Variants in BRINP1 observed in about 807,000 individuals in gnomAD.
The protein encoded by BRINP1 is BMP/retinoic acid-inducible neural-specific protein 1.
Under a neutral mutation model 72.9 loss-of-function variants are expected in BRINP1, and 17 were observed. The observed-to-expected ratio is 0.23, with a 90% CI of 0.16 to 0.35. The LOEUF (loss-of-function observed/expected upper bound fraction) is 0.35, where lower values mean the gene tolerates loss of function less well. Ranked by LOEUF, BRINP1 falls within the 10% of genes least tolerant of loss-of-function variation. BRINP1 has a pLI of 1.00. For synonymous variants in BRINP1, 418 were observed against 378.5 expected, an observed-to-expected ratio of 1.10 and a Z score of -1.21; for missense variants, 850 against 1,001.6, an observed-to-expected ratio of 0.85 and a Z score of 2.04.
intron 5 of BRINP1, among the ~76,000 whole-genome samples, chr9:119,214,829 G>A (rs945605912): frequency 6.6e-6 from 1 of 152,166 alleles, no homozygotes; most frequent in Non-Finnish European, 1.5e-5. Context: ...GTTAAAAGAA[G>A]AACAGGAAGG....
chr9:119,201,232 T>C (rs919454824), intron 7 of BRINP1, among the ~76,000 whole-genome samples: 1 of 152,148 alleles, frequency 6.6e-6, no homozygotes. Flanking sequence ...CAAAAGAAGA[T>C]TTTACTTTGA....
At chr9:119,359,292 C>T (rs1188920793) in intron 1 of BRINP1, among the ~76,000 whole-genome samples, 2 of 152,176 alleles carry the variant, frequency 1.3e-5, no homozygotes, top group African/African-American at 4.8e-5. Flanking sequence ...CACCTTGGCC[C>T]ACATAATCCT....
chr9:119,202,867 T>C (rs1305511977), intron 7 of BRINP1, among the ~76,000 whole-genome samples: 1 of 152,194 alleles, frequency 6.6e-6, no homozygotes, highest in Non-Finnish European at 1.5e-5. Context: ...ATCTTACTTA[T>C]GTTCATGCTT....
At chr9:119,298,713 T>A (rs1830907152) in intron 2 of BRINP1, among the ~76,000 whole-genome samples, 1 of 152,104 alleles carries the variant, frequency 6.6e-6, no homozygotes, top group Non-Finnish European at 1.5e-5. Flanking sequence ...GAACTTGCCA[T>A]CTCCCAACAC....
intron 2 of BRINP1, among the ~76,000 whole-genome samples, chr9:119,308,804 G>A (rs1271382113): frequency 6.6e-6 from 1 of 152,090 alleles, no homozygotes; most frequent in Non-Finnish European, 1.5e-5. Flanking sequence ...CAACCAGCAG[G>A]GAAAACCACT....
chr9:119,275,746 T>A (rs963976333), intron 2 of BRINP1, among the ~76,000 whole-genome samples: 1 of 152,230 alleles, frequency 6.6e-6, no homozygotes, highest in African/African-American at 2.4e-5. Flanking sequence ...GAGCTGTGTG[T>A]CTCTGGTAGC....
At chr9:119,285,801 A>G (rs1252483252) in intron 2 of BRINP1, among the ~76,000 whole-genome samples, 1 of 152,036 alleles carries the variant, frequency 6.6e-6, no homozygotes, top group East Asian at 1.9e-4. Context: ...ATCATTCAGG[A>G]AGAAACACAA....
chr9:119,184,090 GAA>G (rs557758135), intron 7 of BRINP1, among the ~76,000 whole-genome samples: 9 of 151,986 alleles, frequency 5.9e-5, no homozygotes, highest in African/African-American at 2.2e-4. Flanking sequence ...CAGGGGGGGA[GAA>G]AAAAAGAAAA....
intron 7 of BRINP1, among the ~76,000 whole-genome samples, chr9:119,184,398 C>T (rs1014057717): frequency 5.9e-5 from 9 of 152,258 alleles, no homozygotes; most frequent in African/African-American, 2.2e-4. Flanking sequence ...AAGATATTCT[C>T]AGCTAAAAGC....
At chr9:119,287,349 A>G (rs1485859934) in intron 2 of BRINP1, among the ~76,000 whole-genome samples, 1 of 152,190 alleles carries the variant, frequency 6.6e-6, no homozygotes, top group Non-Finnish European at 1.5e-5. Flanking sequence ...CTCTCCTGGG[A>G]GTAGACAGTT....
At chr9:119,293,461 G>A (rs543931132) in intron 2 of BRINP1, among the ~76,000 whole-genome samples, 11 of 152,192 alleles carry the variant, frequency 7.2e-5, no homozygotes, top group South Asian at 4.1e-4. Context: ...AAGCACCAGC[G>A]ATGTACCTAA....
Position 119,242,030 on chromosome 9 carries a change from C to T in BRINP1, c.579+17G>A. ...TGTATTGAGAACCTGTCGCCCAAAT[C>T]CACCCCGGAGCTGTACCTTGATTGC... On this transcript the variant is annotated intron_variant, in intron 4 of 7. Coordinates refer to ENST00000265922, the MANE Select transcript of BRINP1 (RefSeq NM_014618.3). The T allele has an allele frequency of 6.2e-7, 1 of 1,609,474 alleles. No homozygotes were observed. The highest frequency in any genetic ancestry group is 8.5e-7 in the Non-Finnish European group (1 of 1,177,998).
At position 119,214,090 on chromosome 9, in the gene BRINP1, T is replaced by A; in HGVS notation, c.751A>T (p.Met251Leu). The change falls in exon 6 of 8, where the codon ATG (methionine) becomes TTG (leucine). Residue 251 changes from methionine to leucine, a missense_variant. By Grantham distance (15) the Met-to-Leu change is conservative. Transcript: ENST00000265922. The stretch of plus-strand genomic sequence containing the variant: ...AGGTACTCCCCCTCCCCATTGCACA[T>A]GATATAGCTCAAGGCCGACTGGACA... Reference protein sequence around the residue: ...KFVQSALSYIMCNGEGEYLCQ... With the variant: ...KFVQSALSYILCNGEGEYLCQ... The A allele has an allele frequency of 1.9e-6, 3 of 1,614,082 alleles. No homozygotes were observed. Among genetic ancestry groups the A allele is most frequent in the Middle Eastern group, 1.6e-4 (1 of 6,062 alleles).
In BRINP1 at chr9:119,167,416, T is replaced by G. The variant is rs1182193850; in HGVS notation, c.1954A>C (p.Ile652Leu). 3 of 1,613,938 alleles carry G rather than the reference T, an allele frequency of 1.9e-6. No homozygotes were observed. The highest frequency in any genetic ancestry group is 2.2e-5 in the East Asian group (1 of 44,848). Residue 652 changes from isoleucine to leucine, a missense_variant, in exon 8 of 8, where the codon ATC (isoleucine) becomes CTC (leucine). By Grantham distance (5) the Ile-to-Leu change is conservative. Transcript: ENST00000265922. This position sits in a 1 kb window ranked among gnomAD's most constrained non-coding sequence, Gnocchi z 4.3. ...TACCCAAACACCTGCACGTCTGAGA[T>G]CTTGATGTAGAACTGCCTCTTGGAG... Reference protein sequence around the residue: ...DPSKRQFYIKISDVQVFGYSL... With the variant: ...DPSKRQFYIKLSDVQVFGYSL...
At chr9:119,299,502 A>T (rs1000117150) in intron 2 of BRINP1, among the ~76,000 whole-genome samples, 1 of 152,024 alleles carries the variant, frequency 6.6e-6, no homozygotes, top group Non-Finnish European at 1.5e-5. Flanking sequence ...AATCCCAGCT[A>T]CTAGGAAGGC....
chr9:119,172,322 A>G (rs1246506137), intron 7 of BRINP1, among the ~76,000 whole-genome samples: 1 of 152,046 alleles, frequency 6.6e-6, no homozygotes, highest in Non-Finnish European at 1.5e-5. Flanking sequence ...CCACAGAAAT[A>G]CAAACTACCA....
intron 2 of BRINP1, among the ~76,000 whole-genome samples, chr9:119,251,922 C>T (rs1181347335): frequency 6.6e-6 from 1 of 152,056 alleles, no homozygotes; most frequent in Non-Finnish European, 1.5e-5. Context: ...CAAAATTCTT[C>T]GATGTCTATT....
At chr9:119,212,019 G>GTAGTAATC (rs1829934328) in intron 6 of BRINP1, among the ~76,000 whole-genome samples, 1 of 150,928 alleles carries the variant, frequency 6.6e-6, no homozygotes, top group African/African-American at 2.4e-5. Context: ...TTTGTTTTTT[G>GTAGTAATC]TAGTAATCAG....
chr9:119,318,025 G>A (rs1297646491), intron 1 of BRINP1, among the ~76,000 whole-genome samples: 1 of 152,170 alleles, frequency 6.6e-6, no homozygotes, highest in Non-Finnish European at 1.5e-5. Flanking sequence ...GCTTTATTGT[G>A]GTCATCTGGA....
Sources: gnomAD v4.1 joint callset for allele counts (sites outside exome capture counted in the v4.1 genomes callset) on GRCh38, gnomAD v4.1.1 for gene constraint, Gnocchi (gnomAD v3.1) non-coding constraint, MANE v1.5 for transcripts, NCBI Gene and HGNC (gene_info 2026-07-23, HGNC 2026-07-21) for gene names.